The following RARRES1 variants were observed in gnomAD, a reference collection of about 807,000 sequenced individuals.
RARRES1 encodes retinoic acid receptor responder protein 1.
Under a neutral mutation model 30.6 loss-of-function variants are expected in RARRES1, and 34 were observed. That is an observed-to-expected ratio of 1.11 (90% CI 0.84 to 1.48). The LOEUF is 1.48. Among genes scored for constraint, RARRES1 ranks in the 40% most tolerant of loss-of-function variants. The pLI is 0.00. For synonymous variants in RARRES1, 153 were observed against 155.5 expected, an observed-to-expected ratio of 0.98 and a Z score of 0.12; for missense variants, 373 against 386.5, an observed-to-expected ratio of 0.97 and a Z score of 0.29.
At chr3:158,708,820 C>G (rs1727014632) in intron 3 of RARRES1, among the ~76,000 whole-genome samples, 1 of 152,126 alleles carries the variant, frequency 6.6e-6, no homozygotes, top group South Asian at 2.1e-4. Flanking sequence ...GCGCATGCCA[C>G]CATGCCTGGC....
intron 1 of RARRES1, among the ~76,000 whole-genome samples, chr3:158,719,640 A>G (rs1727437024): frequency 6.6e-6 from 1 of 152,002 alleles, no homozygotes; most frequent in Non-Finnish European, 1.5e-5. Context: ...AGGCAGTCCC[A>G]TCCCCTTCCC....
At chr3:158,698,308 A>G (rs528060992) in intron 4 of RARRES1, 58 of 201,974 alleles carry the variant, frequency 2.9e-4, no homozygotes, top group African/African-American at 1.6e-4. Context: ...ATGACAGGCA[A>G]TAAGACAAGG....
At position 158,723,480 on chromosome 3, in the gene RARRES1, C is replaced by A. The variant is rs1005056178; in HGVS notation, c.276+8660G>T. Among the ~76,000 whole-genome samples the A allele has an allele frequency of 2.2e-4, 34 of 152,232 alleles. No homozygotes were observed. The highest frequency in any genetic ancestry group is 7.0e-4 in the African/African-American group (29 of 41,454). Reference sequence around the variant, plus strand: ...GGAATCATTTTATTGCATTTTCCTTCTCTCGGGCAAGGCCAGATAAAGCAA... The same window carrying A: ...GGAATCATTTTATTGCATTTTCCTTATCTCGGGCAAGGCCAGATAAAGCAA... On this transcript the variant is annotated intron_variant, in intron 1 of 5. Coordinates refer to ENST00000237696, the MANE Select transcript of RARRES1 (RefSeq NM_206963.2). The surrounding 1 kb of genome is among the most constrained non-coding windows in gnomAD (Gnocchi z 4.4).
At position 158,723,443 on chromosome 3, in the gene RARRES1, A is replaced by G. The variant is rs534293292; in HGVS notation, c.276+8697T>C. The stretch of plus-strand genomic sequence containing the variant: ...CAGATGGAGACAGCATCAGTATATT[A>G]TATTATACCCTGGAATCATTTTATT... On this transcript the variant is annotated intron_variant, in intron 1 of 5. Coordinates refer to ENST00000237696, the MANE Select transcript of RARRES1 (RefSeq NM_206963.2). This position sits in a 1 kb window ranked among gnomAD's most constrained non-coding sequence, Gnocchi z 4.4. Among the ~76,000 whole-genome samples, 3 of 152,308 alleles carry G rather than the reference A, an allele frequency of 2.0e-5. No individual in the cohort carries two copies. The highest frequency in any genetic ancestry group is 7.2e-5 in the African/African-American group (3 of 41,552).
intron 1 of RARRES1, among the ~76,000 whole-genome samples, chr3:158,716,855 A>AT (rs1727338018): frequency 6.6e-6 from 1 of 152,172 alleles, no homozygotes; most frequent in African/African-American, 2.4e-5. Context: ...AAGTGCTAGG[A>AT]TTATAGGCGT....
chr3:158,722,251 C>G (rs1417686408), intron 1 of RARRES1, among the ~76,000 whole-genome samples: 1 of 152,128 alleles, frequency 6.6e-6, no homozygotes, highest in Non-Finnish European at 1.5e-5. Context: ...ACTGTTCATT[C>G]TAATAGCACC....
At chr3:158,722,285 C>A (rs564844319) in intron 1 of RARRES1, among the ~76,000 whole-genome samples, 3 of 152,120 alleles carry the variant, frequency 2.0e-5, no homozygotes, top group Non-Finnish European at 4.4e-5. Context: ...GTCCTGTTTT[C>A]AGTGAAAGCT....
rs1167933185 is a variant in RARRES1 at position 158,697,523 on chromosome 3, A to C, written c.*155T>G. On this transcript the variant is annotated 3_prime_UTR_variant, in exon 6 of 6. Coordinates refer to ENST00000237696, the MANE Select transcript of RARRES1 (RefSeq NM_206963.2). ...TAAAAGCTAAAGCAGACTGAGAAAC[A>C]AAAAACCAACATCTTTGCATTTCTG... 2 of 847,276 alleles carry C rather than the reference A, an allele frequency of 2.4e-6. No individual in the cohort carries two copies. The highest frequency in any genetic ancestry group is 3.5e-6 in the Non-Finnish European group (2 of 565,102). 52.5% of individuals were successfully genotyped at this position (847,276 alleles called of 1,614,324 possible).
At chr3:158,718,588 A>G (rs1284369056) in intron 1 of RARRES1, among the ~76,000 whole-genome samples, 1 of 152,218 alleles carries the variant, frequency 6.6e-6, no homozygotes, top group African/African-American at 2.4e-5. Context: ...AATCTGGCGT[A>G]TGTGGTCAAA....
chr3:158,717,962 TA>T (rs1468343692), intron 1 of RARRES1, among the ~76,000 whole-genome samples: 1 of 149,596 alleles, frequency 6.7e-6, no homozygotes, highest in Admixed American at 6.8e-5. Flanking sequence ...ATCACTAGAA[TA>T]CATTTTATAT....
chr3:158,717,552 C>T (rs1403288314), intron 1 of RARRES1, among the ~76,000 whole-genome samples: 5 of 152,256 alleles, frequency 3.3e-5, no homozygotes, highest in East Asian at 1.9e-4. Flanking sequence ...AGCTGGGACC[C>T]GGTAAGAGGC....
intron 1 of RARRES1, among the ~76,000 whole-genome samples, chr3:158,724,208 C>A (rs1727603218): frequency 6.6e-6 from 1 of 152,126 alleles, no homozygotes; most frequent in Non-Finnish European, 1.5e-5. Context: ...ATATGTCGGG[C>A]AGAATGGTAA....
At chr3:158,710,692 A>G (rs762580750) in intron 3 of RARRES1, 46 bp downstream of exon 3, 14 of 1,491,950 alleles carry the variant, frequency 9.4e-6, no homozygotes, top group Non-Finnish European at 1.3e-5. Context: ...GGATTTAGTT[A>G]TTACATACAT....
intron 4 of RARRES1, among the ~76,000 whole-genome samples, chr3:158,704,470 G>T (rs1224013051): frequency 6.6e-6 from 1 of 151,904 alleles, no homozygotes; most frequent in Non-Finnish European, 1.5e-5. Context: ...GACCTCAAGT[G>T]ATCCTTCCAC....
intron 1 of RARRES1, among the ~76,000 whole-genome samples, chr3:158,726,536 G>T (rs1378410775): frequency 2.0e-5 from 3 of 152,190 alleles, no homozygotes; most frequent in Non-Finnish European, 2.9e-5. Flanking sequence ...GATGTACTTA[G>T]TACCTCATTA....
rs1447411925 is a variant in RARRES1 at position 158,710,838 on chromosome 3, A to G, written c.435T>C (p.Cys145=). Residue 145 remains cysteine, a synonymous_variant, in exon 3 of 6, where the codon TGT becomes TGC. Coordinates refer to ENST00000237696, the MANE Select transcript of RARRES1 (RefSeq NM_206963.2). ...TTTTCTTTTTCTCGATGAGCCGTGT[A>G]CAAGTTACATTGATGGTTGGTCTGG... ...QKPRPTINVT[C]TRLIEKKKRQ... 1 of 1,613,634 alleles carries G rather than the reference A, an allele frequency of 6.2e-7. No homozygotes were observed.
At chr3:158,731,922 A>G (rs1727901741) in intron 1 of RARRES1, among the ~76,000 whole-genome samples, 1 of 152,246 alleles carries the variant, frequency 6.6e-6, no homozygotes, top group South Asian at 2.1e-4. Context: ...GGAACGAGCC[A>G]GATTTCTGCA....
intron 3 of RARRES1, among the ~76,000 whole-genome samples, chr3:158,706,149 G>GGTATA (rs1351821257): frequency 6.6e-6 from 1 of 152,194 alleles, no homozygotes; most frequent in Non-Finnish European, 1.5e-5. Context: ...TATACTCAGA[G>GGTATA]GTAATTCAAA....
In RARRES1 at chr3:158,725,670, T is replaced by TA. The variant is rs755955944; in HGVS notation, c.276+6469dup. Among the ~76,000 whole-genome samples, 67 of 151,960 alleles carry TA rather than the reference T, an allele frequency of 4.4e-4. 1 individual carries two copies. Among genetic ancestry groups the TA allele is most frequent in the Admixed American group, 5.9e-4 (9 of 15,268 alleles). On this transcript the variant is annotated intron_variant, in intron 1 of 5. Coordinates refer to ENST00000237696, the MANE Select transcript of RARRES1 (RefSeq NM_206963.2). ...TTAAAAACAATTTATTATAAAATGG[T>TA]AAAAAAAACATTCCTACTGGCTAGC...
Sources: gnomAD v4.1 joint callset for allele counts (sites outside exome capture counted in the v4.1 genomes callset) on GRCh38, gnomAD v4.1.1 for gene constraint, Gnocchi (gnomAD v3.1) non-coding constraint, MANE v1.5 for transcripts, NCBI Gene and HGNC (gene_info 2026-07-23, HGNC 2026-07-21) for gene names.